NAV3: variants seen among roughly 807,000 people sequenced by gnomAD.
NAV3 encodes the protein neuron navigator 3, also known as pore membrane and/or filament interacting like protein 1.
Under a neutral mutation model 244.7 loss-of-function variants are expected in NAV3, and 87 were observed. That is an observed-to-expected ratio of 0.36 (90% CI 0.30 to 0.42). The LOEUF (loss-of-function observed/expected upper bound fraction) is 0.42. NAV3 is among the 20% of genes least tolerant of loss of function. The pLI is 1.00. For missense variants in NAV3, 2,663 were observed against 2,893.3 expected (o/e 0.92, Z 1.83); for synonymous variants, 1,126 against 1,042.2 (o/e 1.08, Z -1.55).
At chr12:77,742,405 G>A (rs1374614681) in intron 2 of NAV3, among the ~76,000 whole-genome samples, 1 of 151,910 alleles carries the variant, frequency 6.6e-6, no homozygotes, top group South Asian at 2.1e-4. Context: ...AACTGTGCAG[G>A]TCCACTTTTA....
intron 12 of NAV3, among the ~76,000 whole-genome samples, chr12:78,081,519 A>G (rs1411426331): frequency 6.6e-6 from 1 of 152,152 alleles, no homozygotes; most frequent in East Asian, 1.9e-4. Flanking sequence ...TCAGCTGTCC[A>G]TCTTGCTGGC....
intron 3 of NAV3, among the ~76,000 whole-genome samples, chr12:77,963,830 C>CCCTT (rs1204362704): frequency 8.6e-4 from 128 of 149,082 alleles, no homozygotes; most frequent in African/African-American, 2.6e-3. Context: ...GTTCTCCTTC[C>CCCTT]CCTTCCTTCC....
intron 11 of NAV3, among the ~76,000 whole-genome samples, chr12:78,057,622 C>G (rs1883702073): frequency 6.6e-6 from 1 of 152,206 alleles, no homozygotes; most frequent in Non-Finnish European, 1.5e-5. Context: ...TTACAATGTG[C>G]TAGACAATGC....
At chr12:78,013,889 C>T (rs1316460668) in intron 8 of NAV3, among the ~76,000 whole-genome samples, 1 of 151,704 alleles carries the variant, frequency 6.6e-6, no homozygotes, top group Non-Finnish European at 1.5e-5. Flanking sequence ...TTTTAAAACT[C>T]CTTTTTTTAT....
At chr12:78,170,712 T>A (rs1249009287) in intron 24 of NAV3, among the ~76,000 whole-genome samples, 1 of 151,820 alleles carries the variant, frequency 6.6e-6, no homozygotes, top group African/African-American at 2.4e-5. Flanking sequence ...TATCCTGAAT[T>A]GTTTTCAATT....
intron 1 of NAV3, among the ~76,000 whole-genome samples, chr12:77,839,084 G>A (rs1270813844): frequency 6.6e-6 from 1 of 152,110 alleles, no homozygotes; most frequent in Non-Finnish European, 1.5e-5. Context: ...TTAGGCATAG[G>A]GATAGAGTCT....
At chr12:77,746,381 A>G (rs2135783775) in intron 2 of NAV3, among the ~76,000 whole-genome samples, 1 of 152,206 alleles carries the variant, frequency 6.6e-6, no homozygotes, top group Admixed American at 6.6e-5. Context: ...GACAAGCTGC[A>G]CCTGTTTCGT....
intron 29 of NAV3, 46 bp downstream of exon 29, chr12:78,179,728 A>T: frequency 6.4e-7 from 1 of 1,569,782 alleles, no homozygotes; most frequent in African/African-American, 1.4e-5. Flanking sequence ...GAAACAAAAA[A>T]ATGCTGCTTA....
chr12:77,809,615 C>T (rs945563590), intron 2 of NAV3, among the ~76,000 whole-genome samples: 3 of 152,226 alleles, frequency 2.0e-5, no homozygotes, highest in African/African-American at 7.2e-5. Context: ...TGTTCCTATT[C>T]AGCCATCTTG....
intron 2 of NAV3, among the ~76,000 whole-genome samples, chr12:77,763,695 C>A (rs1159608125): frequency 6.6e-6 from 1 of 152,142 alleles, no homozygotes; most frequent in East Asian, 1.9e-4. Flanking sequence ...GTGGGAGGGA[C>A]CCCTTGCCAG....
intron 2 of NAV3, among the ~76,000 whole-genome samples, chr12:77,745,172 G>T (rs986857393): frequency 6.6e-6 from 1 of 151,884 alleles, no homozygotes; most frequent in African/African-American, 2.4e-5. Flanking sequence ...AATTTTTGCT[G>T]GTTTTAATAT....
In NAV3 at chr12:78,188,470, G is replaced by A. The variant is rs544518944; in HGVS notation, c.5886+127G>A. ...CAAATAAGGAAAGCTTTCTGTTTGT[G>A]CTATTTGATATTAACAGTTCTTATA... On this transcript the variant is annotated intron_variant, in intron 32 of 39. Coordinates refer to ENST00000397909, the MANE Select transcript of NAV3 (RefSeq NM_001024383.2). 3.7e-4 allele frequency: 427 copies of A among 1,157,218 alleles called. 1 individual carries two copies. Among genetic ancestry groups the A allele is most frequent in the African/African-American group, 1.9e-3 (125 of 64,410 alleles). 71.7% of individuals were successfully genotyped at this position (1,157,218 alleles called of 1,614,324 possible). A position where few individuals can be genotyped will look rare whatever the true frequency, so the allele number is the denominator to read the frequency against.
At chr12:77,769,750 A>C (rs1681502539) in intron 2 of NAV3, among the ~76,000 whole-genome samples, 2 of 152,214 alleles carry the variant, frequency 1.3e-5, no homozygotes, top group Non-Finnish European at 2.9e-5. Flanking sequence ...GTCAACAAGG[A>C]AGTGAACAGT....
chr12:78,016,065 A>C (rs1001524175), intron 8 of NAV3, among the ~76,000 whole-genome samples: 6 of 151,976 alleles, frequency 3.9e-5, no homozygotes, highest in African/African-American at 1.4e-4. Flanking sequence ...CTCTTTGAGA[A>C]TTTTCTTTCT....
At chr12:77,659,287 A>T (rs1242691895) in intron 2 of NAV3, among the ~76,000 whole-genome samples, 2 of 151,586 alleles carry the variant, frequency 1.3e-5, no homozygotes, top group Non-Finnish European at 2.9e-5. Context: ...ACCCCATGAA[A>T]AAGTGGGTGA....
At chr12:77,784,354 A>T (rs1433542842) in intron 2 of NAV3, among the ~76,000 whole-genome samples, 1 of 152,156 alleles carries the variant, frequency 6.6e-6, no homozygotes, top group Non-Finnish European at 1.5e-5. Context: ...TTTAAGAAAA[A>T]CTCACATCAA....
chr12:77,771,358 A>T (rs1395800322), intron 2 of NAV3, among the ~76,000 whole-genome samples: 1 of 152,234 alleles, frequency 6.6e-6, no homozygotes, highest in Non-Finnish European at 1.5e-5. Flanking sequence ...CAGTGTGGCG[A>T]TTCCTCAGGG....
rs145468234 is a variant in NAV3, at chr12:77,846,054, C to G, written c.243+14350C>G. Among the ~76,000 whole-genome samples, 4 of 152,294 alleles carry G rather than the reference C, an allele frequency of 2.6e-5. No homozygotes were observed. In the East Asian group the frequency reaches 7.7e-4, roughly 29 times the overall value. On this transcript the variant is annotated intron_variant, in intron 1 of 39. Coordinates refer to ENST00000397909, the MANE Select transcript of NAV3 (RefSeq NM_001024383.2). ...AAGATTACTGATCTCTGAGTCATATCTCCAATTCCGGATGAACGAAGATTG... is the reference window on the plus strand; with the variant it reads ...AAGATTACTGATCTCTGAGTCATATGTCCAATTCCGGATGAACGAAGATTG...
chr12:77,575,321 G>C (rs940876539), intron 2 of NAV3, among the ~76,000 whole-genome samples: 2 of 152,012 alleles, frequency 1.3e-5, no homozygotes, highest in African/African-American at 4.8e-5. Context: ...ATACTTTTAA[G>C]GATCTCAAGT....
Sources: allele counts gnomAD v4.1 joint callset (sites outside exome capture counted in the v4.1 genomes callset), GRCh38; gene constraint gnomAD v4.1.1; transcripts MANE v1.5; gene names NCBI Gene and HGNC (gene_info 2026-07-23, HGNC 2026-07-21).